Variants in IQCM observed in about 807,000 individuals in gnomAD.
The protein encoded by IQCM is IQ motif containing M, also known as IQ domain-containing protein M.
Under a neutral mutation model 57.6 loss-of-function variants are expected in IQCM, and 45 were observed. The observed-to-expected ratio is 0.78, with a 90% CI of 0.62 to 1.00. IQCM has a LOEUF of 1.00. IQCM is among the 50% of genes least tolerant of loss of function. The pLI, the probability that IQCM is intolerant of heterozygous loss-of-function variation, is 0.00. For missense variants in IQCM, 468 were observed against 511.6 expected (o/e 0.91, Z 0.82); for synonymous variants, 148 against 158.9 (o/e 0.93, Z 0.51).
At chr4:149,710,124 T>C (rs1282702403) in intron 5 of IQCM, among the ~76,000 whole-genome samples, 1 of 152,162 alleles carries the variant, frequency 6.6e-6, no homozygotes, top group African/African-American at 2.4e-5. Flanking sequence ...ATTGCTGATG[T>C]CATAAAACTC....
chr4:149,389,831 A>G (rs1051226066), intron 13 of IQCM, among the ~76,000 whole-genome samples: 1 of 152,016 alleles, frequency 6.6e-6, no homozygotes, highest in Non-Finnish European at 1.5e-5. Context: ...CATTGTGCAC[A>G]TGTACCCTAA....
At chr4:149,709,194 C>T (rs1764376877) in intron 5 of IQCM, among the ~76,000 whole-genome samples, 2 of 152,096 alleles carry the variant, frequency 1.3e-5, no homozygotes, top group African/African-American at 2.4e-5. Context: ...GTAGCTTGAA[C>T]ATGGTCACAT....
At chr4:149,585,097 T>C (rs983562047) in intron 9 of IQCM, among the ~76,000 whole-genome samples, 1 of 151,768 alleles carries the variant, frequency 6.6e-6, no homozygotes, top group African/African-American at 2.4e-5. Context: ...TCTTTTTTTC[T>C]ATAACCAAGA....
At chr4:149,570,034 AG>A (rs1223158705) in intron 9 of IQCM, among the ~76,000 whole-genome samples, 1 of 151,946 alleles carries the variant, frequency 6.6e-6, no homozygotes, top group Non-Finnish European at 1.5e-5. Context: ...TCAGAACTTG[AG>A]GGGGAAAAAG....
intron 12 of IQCM, among the ~76,000 whole-genome samples, chr4:149,505,407 T>C (rs10520022): frequency 0.22 from 33,086 of 152,120 alleles, 4,514 homozygotes; most frequent in Non-Finnish European, 0.29. Context: ...TTTCCCAATA[T>C]ATGTTACCAA....
chr4:149,446,096 C>T (rs1363558175), intron 12 of IQCM, among the ~76,000 whole-genome samples: 3 of 151,652 alleles, frequency 2.0e-5, no homozygotes, highest in African/African-American at 7.2e-5. Context: ...TATATTCAAA[C>T]ATGTAATGTT....
At chr4:149,498,639 A>C (rs1430753081) in intron 12 of IQCM, among the ~76,000 whole-genome samples, 1 of 152,150 alleles carries the variant, frequency 6.6e-6, no homozygotes, top group African/African-American at 2.4e-5. Context: ...GGTGCCCTGA[A>C]GAACACATAC....
intron 12 of IQCM, among the ~76,000 whole-genome samples, chr4:149,481,705 T>TTTTTTTTTTTTTTTTTTTG (rs1579210845): frequency 7.5e-6 from 1 of 133,150 alleles, no homozygotes; most frequent in East Asian, 2.2e-4. Context: ...AGTTTTGTTT[T>TTTTTTTTTTTTTTTTTTTG]TTTTTTTTTT....
chr4:149,501,485 A>C (rs1375750540), intron 12 of IQCM, among the ~76,000 whole-genome samples: 1 of 152,136 alleles, frequency 6.6e-6, no homozygotes, highest in African/African-American at 2.4e-5. Flanking sequence ...GAAAATTCCT[A>C]GTAACATGAA....
At chr4:149,643,160 C>A (rs1310065904) in intron 7 of IQCM, among the ~76,000 whole-genome samples, 2 of 152,086 alleles carry the variant, frequency 1.3e-5, no homozygotes, top group African/African-American at 4.8e-5. Flanking sequence ...AATTGTAACG[C>A]CTAGTATTTC....
intron 2 of IQCM, among the ~76,000 whole-genome samples, chr4:149,779,346 A>T (rs948517953): frequency 6.6e-6 from 1 of 152,224 alleles, no homozygotes; most frequent in Non-Finnish European, 1.5e-5. Context: ...GGGAAGAATT[A>T]AAGTATATCC....
At chr4:149,677,893 G>A (rs1182467646) in intron 7 of IQCM, among the ~76,000 whole-genome samples, 2 of 151,708 alleles carry the variant, frequency 1.3e-5, no homozygotes, top group African/African-American at 2.4e-5. Flanking sequence ...TTGCTGAACT[G>A]AAAAATTCAT....
intron 12 of IQCM, among the ~76,000 whole-genome samples, chr4:149,528,395 A>ATAT (rs755944757): frequency 1.2e-4 from 18 of 152,130 alleles, no homozygotes; most frequent in Admixed American, 3.3e-4. Context: ...CAATTCTTTG[A>ATAT]GTTAAGGCAT....
intron 7 of IQCM, among the ~76,000 whole-genome samples, chr4:149,643,616 C>G (rs1319989950): frequency 6.6e-6 from 1 of 152,182 alleles, no homozygotes; most frequent in Non-Finnish European, 1.5e-5. Context: ...TTAGAGATCT[C>G]TATGGCTTAA....
intron 13 of IQCM, among the ~76,000 whole-genome samples, chr4:149,364,012 A>G (rs1729668927): frequency 6.6e-6 from 1 of 152,340 alleles, no homozygotes; most frequent in East Asian, 1.9e-4. Context: ...GACAGAACCT[A>G]AAGAATTTAA....
chr4:149,595,906 G>A (rs2150021343), intron 8 of IQCM, among the ~76,000 whole-genome samples: 1 of 152,270 alleles, frequency 6.6e-6, no homozygotes, highest in Middle Eastern at 3.4e-3. Flanking sequence ...TTACAGAGGT[G>A]AAGGTATCCT....
At chr4:149,655,057 G>T (rs979060111) in intron 7 of IQCM, among the ~76,000 whole-genome samples, 2 of 151,966 alleles carry the variant, frequency 1.3e-5, no homozygotes, top group Non-Finnish European at 2.9e-5. Context: ...TACACCACTG[G>T]TCTAAAGATG....
intron 12 of IQCM, among the ~76,000 whole-genome samples, chr4:149,455,433 C>T (rs1240447180): frequency 6.6e-6 from 1 of 152,050 alleles, no homozygotes; most frequent in Non-Finnish European, 1.5e-5. Context: ...CTTGGTAGAA[C>T]ATATGACTGT....
At chr4:149,463,389 C>G (rs542300548) in intron 12 of IQCM, among the ~76,000 whole-genome samples, 2 of 152,122 alleles carry the variant, frequency 1.3e-5, no homozygotes, top group Admixed American at 6.5e-5. Context: ...ATTTTAGAGA[C>G]GTTGAATGTA....
Sources: gnomAD v4.1 joint callset for allele counts (sites outside exome capture counted in the v4.1 genomes callset) on GRCh38, gnomAD v4.1.1 for gene constraint, MANE v1.5 for transcripts, NCBI Gene and HGNC (gene_info 2026-07-23, HGNC 2026-07-21) for gene names.